The following TRAF3IP2 variants were observed in gnomAD, a reference collection of about 807,000 sequenced individuals.
TRAF3IP2 encodes the protein E3 ubiquitin ligase TRAF3IP2.
TRAF3IP2 carries 35 observed loss-of-function variants against 57.9 expected under a neutral mutation model. The observed-to-expected ratio is 0.60, with a 90% CI of 0.46 to 0.80. The LOEUF is 0.80. TRAF3IP2 is among the 30% of genes least tolerant of loss of function. The pLI is 0.00. For synonymous variants in TRAF3IP2, 251 were observed against 268.9 expected (o/e 0.93, Z 0.65); for missense variants, 556 against 706.4 (o/e 0.79, Z 2.41).
Position 111,575,815 on chromosome 6 carries a change from C to T in TRAF3IP2, c.1029G>A (p.Gln343=), listed in dbSNP as rs1476619743. 2 of 1,609,796 alleles carry T rather than the reference C, an allele frequency of 1.2e-6. No individual in the cohort carries two copies. Among genetic ancestry groups the T allele is most frequent in the African/African-American group, 2.7e-5 (2 of 74,568 alleles). ...CTCTATTAGGTGGCTGGTGATGTGG[C>T]TGGTCCCTAGAAAGGAATACATTTA... ...SFPGLPRHQD[Q]PHHQPPNRAG... The change falls in exon 4 of 9, where the codon CAG becomes CAA. Residue 343 remains glutamine, a synonymous_variant. Transcript: ENST00000368761.
chr6:111,560,817 T>TA (rs754507199), intron 8 of TRAF3IP2, among the ~76,000 whole-genome samples: 3 of 152,168 alleles, frequency 2.0e-5, no homozygotes, highest in Non-Finnish European at 4.4e-5. Context: ...CCCAAACACA[T>TA]ACCATTGACC....
chr6:111,597,444 CT>C (rs1482788267), intron 1 of TRAF3IP2, among the ~76,000 whole-genome samples: 2 of 152,196 alleles, frequency 1.3e-5, no homozygotes, highest in Non-Finnish European at 2.9e-5. Context: ...CCCCAGACCC[CT>C]GTCTGAACTG....
intron 8 of TRAF3IP2, 147 bp from the exon 9 acceptor site, chr6:111,559,698 G>T (rs1795364710): frequency 1.4e-5 from 13 of 954,112 alleles, no homozygotes; most frequent in Non-Finnish European, 1.8e-5. Context: ...TTTGCTTTTG[G>T]AAAGGTTTAG....
At chr6:111,586,860 C>T (rs973042272) in intron 2 of TRAF3IP2, 2 of 152,170 alleles carry the variant, frequency 1.3e-5, no homozygotes, top group African/African-American at 4.8e-5. Context: ...TAGAGGAGCA[C>T]CCTGCAGAAC....
intron 5 of TRAF3IP2, among the ~76,000 whole-genome samples, chr6:111,569,220 A>G (rs1315880689): frequency 6.6e-6 from 1 of 152,206 alleles, no homozygotes; most frequent in African/African-American, 2.4e-5. Flanking sequence ...TTGCTATTAT[A>G]TGGGAGAGAA....
rs1309935363 is a variant in TRAF3IP2 at position 111,559,393 on chromosome 6, G to A, written c.*12C>T. On this transcript the variant is annotated 3_prime_UTR_variant, in exon 9 of 9. Coordinates refer to ENST00000368761, the MANE Select transcript of TRAF3IP2 (RefSeq NM_147686.4). ...ACATGGCCTGGCCTCAGTGATCTGG[G>A]GATGAACGGTGTCACAAGGGAACCA... 5.0e-6 allele frequency: 8 copies of A among 1,611,986 alleles called. No homozygotes were observed. In the Admixed American group the frequency reaches 5.0e-5, roughly 10 times the overall value.
intron 5 of TRAF3IP2, 64 bp downstream of exon 5, chr6:111,572,831 G>T (rs1449415105): frequency 7.8e-7 from 1 of 1,280,564 alleles, no homozygotes; most frequent in Admixed American, 1.8e-5. Flanking sequence ...TTTTTCTTCT[G>T]CTGCTTTTCT....
rs191255548 is a variant in TRAF3IP2 at position 111,580,920 on chromosome 6, C to T, written c.830-531G>A. Among the ~76,000 whole-genome samples, 5 of 152,370 alleles carry T rather than the reference C, an allele frequency of 3.3e-5. No homozygotes were observed. In the East Asian group the frequency reaches 5.8e-4, roughly 18 times the overall value. ...GAGGTAAATGAATGAAAACTTGGCT[C>T]ATCCTCCTGGGAACTAGCCAACCAA... On this transcript the variant is annotated intron_variant, in intron 2 of 8. Coordinates refer to ENST00000368761, the MANE Select transcript of TRAF3IP2 (RefSeq NM_147686.4).
intron 7 of TRAF3IP2, among the ~76,000 whole-genome samples, chr6:111,563,566 G>C (rs1352538990): frequency 6.6e-6 from 1 of 152,140 alleles, no homozygotes; most frequent in Non-Finnish European, 1.5e-5. Context: ...AATTGCTCTA[G>C]AAGCCCAGAA....
chr6:111,566,099 C>T (rs535097730), intron 7 of TRAF3IP2, among the ~76,000 whole-genome samples: 1 of 152,278 alleles, frequency 6.6e-6, no homozygotes, highest in African/African-American at 2.4e-5. Flanking sequence ...AGGGGCCAGC[C>T]CTCCTCACCA....
chr6:111,588,342 A>G (rs1279381561), intron 2 of TRAF3IP2, among the ~76,000 whole-genome samples: 1 of 152,176 alleles, frequency 6.6e-6, no homozygotes, highest in Non-Finnish European at 1.5e-5. Flanking sequence ...AATAATACAG[A>G]GAGCAAGGGG....
Position 111,591,274 on chromosome 6 carries a change from G to T in TRAF3IP2, c.813C>A (p.Pro271=), listed in dbSNP as rs370730037. The T allele has an allele frequency of 2.0e-6, 3 of 1,485,564 alleles. No homozygotes were observed. In the Admixed American group the frequency reaches 7.0e-5, roughly 34 times the overall value. The allele number at this position is 1,485,564 out of a possible 1,614,324, so 92.0% of individuals were successfully genotyped here. ...WNYHYHCPGS[P]DHQVPYGHDY... Reference sequence around the variant, plus strand: ...ATCACTTACATGGCACCTGGTGATCGGGACTTCCAGGACAATGGTAATGAT... The same window carrying T: ...ATCACTTACATGGCACCTGGTGATCTGGACTTCCAGGACAATGGTAATGAT... Residue 271 remains proline, a synonymous_variant, in exon 2 of 9, where the codon CCC becomes CCA. Coordinates refer to ENST00000368761, the MANE Select transcript of TRAF3IP2 (RefSeq NM_147686.4). This position sits in a 1 kb window ranked among gnomAD's most constrained non-coding sequence, Gnocchi z 4.9.
intron 7 of TRAF3IP2, 28 bp from the exon 8 acceptor site, chr6:111,563,067 A>C: frequency 1.3e-6 from 2 of 1,559,194 alleles, no homozygotes; most frequent in Non-Finnish European, 1.8e-6. Flanking sequence ...TGAAGGTTTA[A>C]TTTCAGGAAT....
rs570816417 is a variant in TRAF3IP2, at chr6:111,581,687, G to T, written c.830-1298C>A. ...GAAGCTGAGAATGTGGATAAAAATT[G>T]ATTCTTAAGGCCAGGCGTGGTGGCT... On this transcript the variant is annotated intron_variant, in intron 2 of 8. Transcript: ENST00000368761. Among the ~76,000 whole-genome samples, 11 of 151,798 alleles carry T rather than the reference G, an allele frequency of 7.2e-5. 1 individual carries two copies. The highest frequency in any genetic ancestry group is 1.3e-4 in the Non-Finnish European group (9 of 67,974).
chr6:111,591,935 G>A lies in TRAF3IP2; in HGVS notation c.152C>T (p.Thr51Ile), dbSNP rs1796538021. 9 of 1,614,258 alleles carry A rather than the reference G, an allele frequency of 5.6e-6. No homozygotes were observed. The highest frequency in any genetic ancestry group is 5.1e-6 in the Non-Finnish European group (6 of 1,180,048). Reference sequence around the variant, plus strand: ...GTCTCCGGAGGAATTGTGAAGCATTGTGGGTGCAGACAAGCTGTTGGGTGC... The same window carrying A: ...GTCTCCGGAGGAATTGTGAAGCATTATGGGTGCAGACAAGCTGTTGGGTGC... ...NMAPNSLSAP[T>I]MLHNSSGDFS... The change falls in exon 2 of 9, where the codon ACA becomes ATA. Residue 51 changes from threonine (T) to isoleucine (I), a missense_variant. This residue lies in a region of TRAF3IP2 where 428 missense variants were observed against 498.7 expected (regional missense o/e 0.86). Transcript: ENST00000368761. The surrounding 1 kb of genome is among the most constrained non-coding windows in gnomAD (Gnocchi z 4.9).
chr6:111,594,706 G>C (rs1796624356), intron 1 of TRAF3IP2, among the ~76,000 whole-genome samples: 1 of 152,134 alleles, frequency 6.6e-6, no homozygotes, highest in South Asian at 2.1e-4. Context: ...TTGACCCCAA[G>C]AGTTCAAGAC....
rs536467584 is a variant in TRAF3IP2, at chr6:111,583,718, A to G, written c.830-3329T>C. Among the ~76,000 whole-genome samples, 7 of 152,364 alleles carry G rather than the reference A, an allele frequency of 4.6e-5. No individual in the cohort carries two copies. The South Asian group carries it at 1.2e-3, about 27-fold the overall frequency. ...TGTAACAATAATAGAAATAAAGTGCACAATAAATGTAATGCACTTGAATCA... is the reference window on the plus strand; with the variant it reads ...TGTAACAATAATAGAAATAAAGTGCGCAATAAATGTAATGCACTTGAATCA... On this transcript the variant is annotated intron_variant, in intron 2 of 8. Coordinates refer to ENST00000368761, the MANE Select transcript of TRAF3IP2 (RefSeq NM_147686.4).
chr6:111,581,674 G>T (rs1034839168), intron 2 of TRAF3IP2, among the ~76,000 whole-genome samples: 2 of 152,104 alleles, frequency 1.3e-5, no homozygotes, highest in South Asian at 4.1e-4. Flanking sequence ...AGCTGAGAAT[G>T]TGGATAAAAA....
Position 111,558,595 on chromosome 6 carries a change from G to GCTAA in TRAF3IP2, c.*806_*809dup, listed in dbSNP as rs1253838487. On this transcript the variant is annotated 3_prime_UTR_variant, in exon 9 of 9. Coordinates refer to ENST00000368761, the MANE Select transcript of TRAF3IP2 (RefSeq NM_147686.4). ...TTACAGGTGCACACCACCATGCCCG[G>GCTAA]CTAACTTTTTTGTAATTTTAGCAGA... is the stretch of plus-strand genomic sequence containing the variant. 1 of 152,252 alleles carries GCTAA rather than the reference G, an allele frequency of 6.6e-6. No homozygotes were observed. The highest frequency in any genetic ancestry group is 1.9e-4 in the East Asian group (1 of 5,178). 9.4% of individuals were successfully genotyped at this position (152,252 alleles called of 1,614,324 possible).
Sources: gnomAD v4.1 joint callset for allele counts (sites outside exome capture counted in the v4.1 genomes callset) on GRCh38, gnomAD v4.1.1 for gene constraint, gnomAD v4.1.1 regional missense constraint, Gnocchi (gnomAD v3.1) non-coding constraint, MANE v1.5 for transcripts, NCBI Gene and HGNC (gene_info 2026-07-23, HGNC 2026-07-21) for gene names.